MRTFA: variants seen among roughly 807,000 people sequenced by gnomAD.
MRTFA encodes the protein myocardin related transcription factor A.
A neutral mutation model predicts 83.5 loss-of-function variants in MRTFA; 20 were observed. The observed-to-expected ratio is 0.24, with a 90% CI of 0.17 to 0.35. The LOEUF is 0.35. MRTFA is among the 10% of genes least tolerant of loss of function. The pLI is 1.00. For synonymous variants in MRTFA, 659 were observed against 541.2 expected, an observed-to-expected ratio of 1.22 and a Z score of -3.02; for missense variants, 1,200 against 1,224.7, an observed-to-expected ratio of 0.98 and a Z score of 0.30.
chr22:40,620,640 A>C (rs1476883786), intron 1 of MRTFA, among the ~76,000 whole-genome samples: 1 of 152,100 alleles, frequency 6.6e-6, no homozygotes, highest in Non-Finnish European at 1.5e-5. Flanking sequence ...AAAGTCAAGC[A>C]TGTTGCAGGA....
intron 14 of MRTFA, chr22:40,415,302 T>G (rs1290133044): frequency 6.6e-6 from 1 of 152,410 alleles, no homozygotes; most frequent in Non-Finnish European, 1.5e-5. Flanking sequence ...ACCTGCCGCC[T>G]CAGTGCCACC....
chr22:40,575,534 G>C (rs1048485705), intron 2 of MRTFA, among the ~76,000 whole-genome samples: 4 of 152,154 alleles, frequency 2.6e-5, no homozygotes, highest in Non-Finnish European at 4.4e-5. Flanking sequence ...AATGGTATAT[G>C]TTAAAAGACA....
chr22:40,457,436 GAGAAAGAA>G (rs555469044), intron 4 of MRTFA, among the ~76,000 whole-genome samples: 3,491 of 119,828 alleles, frequency 0.029, 55 homozygotes, highest in African/African-American at 0.044. Flanking sequence ...AAGAAAGAAA[GAGAAAGAA>G]AGAAAGAAAG....
At chr22:40,480,304 G>C (rs1000610899) in intron 3 of MRTFA, among the ~76,000 whole-genome samples, 13 of 151,818 alleles carry the variant, frequency 8.6e-5, no homozygotes, top group Admixed American at 2.0e-4. Flanking sequence ...TGTCAAGATG[G>C]GGTCCTGCAT....
intron 2 of MRTFA, among the ~76,000 whole-genome samples, chr22:40,573,090 G>T (rs998993149): frequency 1.3e-5 from 2 of 152,164 alleles, no homozygotes; most frequent in Non-Finnish European, 2.9e-5. Context: ...ATAGAAAGTA[G>T]ATTAGTGGTT....
intron 4 of MRTFA, among the ~76,000 whole-genome samples, chr22:40,453,146 C>T (rs2053525547): frequency 6.6e-6 from 1 of 152,202 alleles, no homozygotes; most frequent in Non-Finnish European, 1.5e-5. Context: ...CTCTCAGCTT[C>T]AACTCTAGGG....
chr22:40,423,729 A>T, intron 8 of MRTFA, 44 bp from the exon 9 acceptor site: 1 of 1,485,896 alleles, frequency 6.7e-7, no homozygotes, highest in Non-Finnish European at 9.0e-7. Flanking sequence ...ACCTCCAGGT[A>T]GGGTGTGCCC....
At chr22:40,520,881 T>C (rs2054854973) in intron 3 of MRTFA, among the ~76,000 whole-genome samples, 1 of 152,150 alleles carries the variant, frequency 6.6e-6, no homozygotes, top group Non-Finnish European at 1.5e-5. Context: ...TGTGTAAAAA[T>C]ACACAGACAA....
chr22:40,421,385 C>T (rs1229577602), intron 9 of MRTFA, among the ~76,000 whole-genome samples: 1 of 152,158 alleles, frequency 6.6e-6, no homozygotes, highest in African/African-American at 2.4e-5. Flanking sequence ...GCAGGGTGAA[C>T]ACAAGGAGGT....
intron 4 of MRTFA, among the ~76,000 whole-genome samples, chr22:40,459,830 CATATATATATATAT>C (rs55885079): frequency 1.8e-4 from 16 of 86,940 alleles, no homozygotes; most frequent in Middle Eastern, 7.0e-3. Context: ...CACATATATA[CATATATATATATAT>C]ATATATATAT....
At chr22:40,442,583 G>A (rs1446402427) in intron 4 of MRTFA, among the ~76,000 whole-genome samples, 1 of 115,042 alleles carries the variant, frequency 8.7e-6, no homozygotes. Context: ...CCTTAAGTAA[G>A]CACTATGCCA....
intron 3 of MRTFA, among the ~76,000 whole-genome samples, chr22:40,471,319 C>T: frequency 6.6e-6 from 1 of 150,558 alleles, no homozygotes; most frequent in Non-Finnish European, 1.5e-5. Context: ...AAGAGAATCG[C>T]TTGAACCTGG....
rs116658152 is a variant in MRTFA, at chr22:40,466,881, G to C, written c.242-3595C>G. On this transcript the variant is annotated intron_variant, in intron 3 of 14. Coordinates refer to ENST00000355630, the MANE Select transcript of MRTFA (RefSeq NM_020831.6). ...GAAAGCTAACACATTTAATAAATTT[G>C]ATTCAAGTTTTCTGTGGAGATTACA... Among the ~76,000 whole-genome samples, 508 of 151,974 alleles carry C rather than the reference G, an allele frequency of 3.3e-3. 3 individuals are homozygous for C. Among genetic ancestry groups the C allele is most frequent in the African/African-American group, 0.012 (483 of 41,452 alleles).
chr22:40,617,176 A>G (rs868148597), intron 1 of MRTFA, among the ~76,000 whole-genome samples: 24 of 85,052 alleles, frequency 2.8e-4, no homozygotes, highest in Middle Eastern at 9.8e-3. Flanking sequence ...GAAGGAGGGA[A>G]GGAGGGAAGG....
chr22:40,509,504 G>A (rs1181094017), intron 3 of MRTFA, among the ~76,000 whole-genome samples: 1 of 152,208 alleles, frequency 6.6e-6, no homozygotes, highest in African/African-American at 2.4e-5. Context: ...TTTTCCCTAA[G>A]TGAGAGTTTC....
At chr22:40,461,204 C>CAAAAA (rs55733153) in intron 4 of MRTFA, among the ~76,000 whole-genome samples, 1 of 50,294 alleles carries the variant, frequency 2.0e-5, no homozygotes, top group Non-Finnish European at 3.6e-5. Flanking sequence ...GAACTTGTCT[C>CAAAAA]AAAAAAAAAA....
At chr22:40,457,681 G>C (rs903942027) in intron 4 of MRTFA, among the ~76,000 whole-genome samples, 4 of 152,096 alleles carry the variant, frequency 2.6e-5, no homozygotes, top group African/African-American at 7.2e-5. Flanking sequence ...AGATCTATAC[G>C]ACAAAAATAA....
intron 14 of MRTFA, among the ~76,000 whole-genome samples, chr22:40,414,174 A>C (rs1325222580): frequency 6.6e-6 from 1 of 152,176 alleles, no homozygotes; most frequent in Non-Finnish European, 1.5e-5. Flanking sequence ...CCCCGTCTCT[A>C]CTAAAAAACA....
chr22:40,505,960 G>T (rs180747638), intron 3 of MRTFA, among the ~76,000 whole-genome samples: 1 of 152,196 alleles, frequency 6.6e-6, no homozygotes, highest in African/African-American at 2.4e-5. Flanking sequence ...TTGGCCAGGC[G>T]CGGTGGCTCA....
Sources: gnomAD v4.1 joint callset for allele counts (sites outside exome capture counted in the v4.1 genomes callset) on GRCh38, gnomAD v4.1.1 for gene constraint, MANE v1.5 for transcripts, NCBI Gene and HGNC (gene_info 2026-07-23, HGNC 2026-07-21) for gene names.